Variants in ARHGAP10 observed in about 807,000 individuals in gnomAD.
The protein encoded by ARHGAP10 is Rho GTPase activating protein 10, also known as rho GTPase-activating protein 10.
ARHGAP10 carries 87 observed loss-of-function variants against 108.6 expected under a neutral mutation model. The ratio of observed to expected loss-of-function variants is 0.80; its 90% CI spans 0.67 to 0.96. The LOEUF is 0.96. Ranked by LOEUF, ARHGAP10 falls within the 40% of genes least tolerant of loss-of-function variation. The probability of loss-of-function intolerance (pLI) is 0.00; values close to 1 mark genes in which losing one functional copy is unlikely to be tolerated. For synonymous variants in ARHGAP10, 347 were observed against 341.1 expected (o/e 1.02, Z -0.19); for missense variants, 939 against 954.5 (o/e 0.98, Z 0.21).
chr4:147,939,906 C>T lies in ARHGAP10; in HGVS notation c.1303+7C>T, dbSNP rs1425121929. On this transcript the variant is annotated splice_region_variant and intron_variant, in intron 14 of 22. Coordinates refer to ENST00000336498, the MANE Select transcript of ARHGAP10 (RefSeq NM_024605.4). ...CTTCTGAGTATGTTGATGGGTATGCCTCTTTTCTAATCATTTTTCCATGTG... is the reference window on the plus strand; with the variant it reads ...CTTCTGAGTATGTTGATGGGTATGCTTCTTTTCTAATCATTTTTCCATGTG... The T allele has an allele frequency of 3.1e-6, 5 of 1,609,026 alleles. No individual in the cohort carries two copies. Among genetic ancestry groups the T allele is most frequent in the Non-Finnish European group, 4.3e-6 (5 of 1,176,262 alleles).
chr4:148,032,144 T>C (rs1728174751), intron 19 of ARHGAP10, among the ~76,000 whole-genome samples: 1 of 152,044 alleles, frequency 6.6e-6, no homozygotes, highest in Non-Finnish European at 1.5e-5. Flanking sequence ...ATAAATAATA[T>C]ATTACCATAT....
At chr4:147,957,997 A>C (rs1189269429) in intron 16 of ARHGAP10, among the ~76,000 whole-genome samples, 1 of 152,224 alleles carries the variant, frequency 6.6e-6, no homozygotes, top group Non-Finnish European at 1.5e-5. Context: ...CTAAACTTAT[A>C]AAAGGAACCC....
chr4:147,751,660 C>A (rs995340214), intron 1 of ARHGAP10, among the ~76,000 whole-genome samples: 2 of 151,946 alleles, frequency 1.3e-5, no homozygotes, highest in African/African-American at 4.8e-5. Context: ...AGCCACTGCA[C>A]CTGGCCTTTT....
chr4:147,767,961 G>A (rs967508849), intron 1 of ARHGAP10, among the ~76,000 whole-genome samples: 4 of 152,198 alleles, frequency 2.6e-5, no homozygotes, highest in African/African-American at 9.6e-5. Flanking sequence ...TGTTATATAT[G>A]AATATACTAG....
chr4:147,811,864 A>G (rs1240459497), intron 1 of ARHGAP10, among the ~76,000 whole-genome samples: 1 of 152,222 alleles, frequency 6.6e-6, no homozygotes, highest in African/African-American at 2.4e-5. Context: ...CCCACCTCCA[A>G]ATGTACCCCT....
intron 18 of ARHGAP10, among the ~76,000 whole-genome samples, chr4:147,976,174 C>T (rs1420741776): frequency 6.6e-6 from 1 of 152,194 alleles, no homozygotes; most frequent in South Asian, 2.1e-4. Context: ...CATTTTCCAT[C>T]AAGTGCAAGA....
intron 19 of ARHGAP10, among the ~76,000 whole-genome samples, chr4:148,041,455 T>C (rs1483059120): frequency 6.6e-6 from 1 of 152,204 alleles, no homozygotes; most frequent in East Asian, 1.9e-4. Flanking sequence ...CCAAAAGCAG[T>C]TCTGTTCAAG....
intron 18 of ARHGAP10, among the ~76,000 whole-genome samples, chr4:148,010,471 G>A (rs2149653591): frequency 6.6e-6 from 1 of 151,394 alleles, no homozygotes; most frequent in East Asian, 1.9e-4. Context: ...CCTTTTTTTG[G>A]TTGAAAAATT....
chr4:147,784,805 TAATATATTATAAAATATATATTATA>T (rs1560756889), intron 1 of ARHGAP10, among the ~76,000 whole-genome samples: 211 of 7,166 alleles, frequency 0.029, 15 homozygotes, highest in East Asian at 0.13. Context: ...ATTATAAATA[TAATATATTATAAAATATATATTATA>T]AATATATTAT....
chr4:147,925,261 C>T (rs1006703807), intron 13 of ARHGAP10, among the ~76,000 whole-genome samples: 3 of 152,160 alleles, frequency 2.0e-5, no homozygotes, highest in African/African-American at 7.2e-5. Context: ...CATTCTTCCT[C>T]CTGGGATTTA....
At chr4:148,048,285 A>C (rs563953685) in intron 20 of ARHGAP10, among the ~76,000 whole-genome samples, 1 of 152,252 alleles carries the variant, frequency 6.6e-6, no homozygotes, top group Non-Finnish European at 1.5e-5. Flanking sequence ...CTGGATTCAC[A>C]TGAAATGATT....
intron 18 of ARHGAP10, among the ~76,000 whole-genome samples, chr4:148,004,100 A>G (rs550556784): frequency 2.8e-4 from 42 of 152,312 alleles, no homozygotes; most frequent in African/African-American, 1.0e-3. Flanking sequence ...CCAGTGGTGC[A>G]CGCCTGTAAT....
At chr4:147,869,583 A>G (rs569392372) in intron 7 of ARHGAP10, among the ~76,000 whole-genome samples, 6 of 115,476 alleles carry the variant, frequency 5.2e-5, no homozygotes, top group East Asian at 2.8e-4. Flanking sequence ...CAGTTTATTG[A>G]AAAAAAAAAA....
intron 13 of ARHGAP10, among the ~76,000 whole-genome samples, chr4:147,921,979 A>G (rs1305990968): frequency 6.6e-6 from 1 of 151,994 alleles, no homozygotes; most frequent in Non-Finnish European, 1.5e-5. Flanking sequence ...CTCTGCCCAC[A>G]TCTCTGGAAA....
At chr4:147,878,178 C>T (rs910123866) in intron 8 of ARHGAP10, among the ~76,000 whole-genome samples, 1 of 151,948 alleles carries the variant, frequency 6.6e-6, no homozygotes, top group African/African-American at 2.4e-5. Context: ...TCACTGCAAC[C>T]TCTGCCTCCT....
chr4:147,959,307 G>A (rs1738903424), intron 16 of ARHGAP10, among the ~76,000 whole-genome samples: 1 of 151,940 alleles, frequency 6.6e-6, no homozygotes, highest in Non-Finnish European at 1.5e-5. Context: ...AATAGATTAG[G>A]ATGGGCTAGC....
intron 18 of ARHGAP10, among the ~76,000 whole-genome samples, chr4:147,970,274 C>T (rs972920580): frequency 6.6e-6 from 1 of 152,142 alleles, no homozygotes; most frequent in Non-Finnish European, 1.5e-5. Flanking sequence ...GTATACCCTT[C>T]AGAGGATCCT....
At chr4:147,970,586 T>C (rs1578745396) in intron 18 of ARHGAP10, among the ~76,000 whole-genome samples, 1 of 152,262 alleles carries the variant, frequency 6.6e-6, no homozygotes, top group African/African-American at 2.4e-5. Flanking sequence ...GTGAAAAATG[T>C]TGACTCCAGG....
At chr4:148,025,012 T>A (rs1306707909) in intron 19 of ARHGAP10, among the ~76,000 whole-genome samples, 2 of 152,222 alleles carry the variant, frequency 1.3e-5, no homozygotes, top group Admixed American at 6.5e-5. Flanking sequence ...GGATCACGTC[T>A]ACTATTTTGA....
Sources: gnomAD v4.1 joint callset for allele counts (sites outside exome capture counted in the v4.1 genomes callset) on GRCh38, gnomAD v4.1.1 for gene constraint, MANE v1.5 for transcripts, NCBI Gene and HGNC (gene_info 2026-07-23, HGNC 2026-07-21) for gene names.